CFI: variants seen among roughly 807,000 people sequenced by gnomAD.
The protein encoded by CFI is C3B/C4B inactivator.
A neutral mutation model predicts 78.8 loss-of-function variants in CFI; 66 were observed. The observed-to-expected ratio is 0.84, with a 90% confidence interval of 0.69 to 1.03. CFI has a LOEUF of 1.03. CFI is among the 50% of genes least tolerant of loss of function. CFI has a pLI of 0.00. For synonymous variants in CFI, 250 were observed against 232.6 expected (o/e 1.07, Z -0.68); for missense variants, 706 against 704.5 (o/e 1.00, Z -0.02).
chr4:109,731,234 T>C, the CFI span, among the ~76,000 whole-genome samples: 8,414 of 152,018 alleles, frequency 0.055, 817 homozygotes, highest in African/African-American at 0.19. Context: ...TAATCCCAGC[T>C]ACTCGGGAGG....
chr4:109,741,239 C>T (rs1439692458), intron 12 of CFI, 129 bp from the exon 13 acceptor site: 17 of 1,521,216 alleles, frequency 1.1e-5, no homozygotes, highest in Non-Finnish European at 1.5e-5. Context: ...ATGGGCTCTC[C>T]TTAGAGTCCC....
chr4:109,767,420 C>CA (rs1727916610), intron 1 of CFI, among the ~76,000 whole-genome samples: 1 of 150,890 alleles, frequency 6.6e-6, no homozygotes, highest in Non-Finnish European at 1.5e-5. Context: ...ACAATGAACT[C>CA]AAACAAATTT....
Position 109,769,137 on chromosome 4 carries a change from A to T in CFI, c.58-2313T>A, listed in dbSNP as rs567874116. ...ATTGAAACAATGATGCTCTCATTGG[A>T]TGAGAAATCCAAGCAACTTGATTTT... On this transcript the variant is annotated intron_variant, in intron 1 of 12. Transcript: ENST00000394634. Among the ~76,000 whole-genome samples, 303 of 152,308 alleles carry T rather than the reference A, an allele frequency of 2.0e-3. 1 individual carries two copies. The highest frequency in any genetic ancestry group is 3.5e-3 in the Non-Finnish European group (235 of 68,032).
chr4:109,774,731 GT>G (rs1388487038), intron 1 of CFI, among the ~76,000 whole-genome samples: 1 of 152,210 alleles, frequency 6.6e-6, no homozygotes, highest in African/African-American at 2.4e-5. Context: ...TATGTGGTCA[GT>G]GAAGCAAAAG....
At position 109,742,582 on chromosome 4, in the gene CFI, G is replaced by A. The variant is rs114091883; in HGVS notation, c.1443C>T (p.Val481=). Residue 481 remains valine, a synonymous_variant, in exon 12 of 13, where the codon GTC becomes GTT. Coordinates refer to ENST00000394634, the MANE Select transcript of CFI (RefSeq NM_000204.5). ...GWGREKDNER[V]FSLQWGEVKL... ...TAACTTCACCCCACTGAAGTGAAAAGACTCTTTCGTTATCTAAACAAAGTG... is the reference window on the plus strand; with the variant it reads ...TAACTTCACCCCACTGAAGTGAAAAAACTCTTTCGTTATCTAAACAAAGTG... The A allele has an allele frequency of 3.5e-4, 559 of 1,607,818 alleles. 1 individual carries two copies. In the African/African-American group the frequency reaches 7.0e-3, roughly 20 times the overall value.
chr4:109,797,750 A>C (rs1732244312), intron 1 of CFI, among the ~76,000 whole-genome samples: 1 of 152,236 alleles, frequency 6.6e-6, no homozygotes, highest in South Asian at 2.1e-4. Context: ...AAAAGTGGAC[A>C]AAGGAGCTGA....
At chr4:109,749,409 C>A in intron 9 of CFI, 88 bp from the exon 10 acceptor site, 1 of 1,484,254 alleles carries the variant, frequency 6.7e-7, no homozygotes, top group South Asian at 1.1e-5. Context: ...GACTCCCAGT[C>A]TCTTATAATT....
At chr4:109,742,308 T>C (rs1723896773) in intron 12 of CFI, 183 bp downstream of exon 12, 2 of 604,588 alleles carry the variant, frequency 3.3e-6, no homozygotes, top group South Asian at 1.9e-5. Flanking sequence ...TTTTTCCTCA[T>C]AGTATTAGAG....
At chr4:109,766,418 A>G (rs1475614788) in intron 2 of CFI, 136 bp downstream of exon 2, 2 of 933,880 alleles carry the variant, frequency 2.1e-6, no homozygotes, top group South Asian at 1.4e-5. Context: ...GATTACTCCA[A>G]TTATTATTGA....
At chr4:109,738,313 T>G (rs1050520644), downstream of CFI, among the ~76,000 whole-genome samples, 4 of 152,052 alleles carry the variant, frequency 2.6e-5, no homozygotes, top group Admixed American at 6.6e-5. Flanking sequence ...GGTCTTGCTA[T>G]GTTGCCCAGG....
intron 6 of CFI, among the ~76,000 whole-genome samples, chr4:109,759,280 G>GA (rs1395596905): frequency 6.6e-6 from 1 of 151,248 alleles, no homozygotes; most frequent in Non-Finnish European, 1.5e-5. Context: ...ATAATAGTAT[G>GA]AAAAAAATTG....
At position 109,754,145 on chromosome 4, in the gene CFI, G is replaced by A. The variant is rs1030421630; in HGVS notation, c.905-1642C>T. Among the ~76,000 whole-genome samples the A allele has an allele frequency of 3.3e-5, 5 of 151,170 alleles. No homozygotes were observed. The South Asian group carries it at 6.2e-4, about 19-fold the overall frequency. ...ATTACAGGTGTGCGTCACCATGCCC[G>A]GCTAATTTTTGTATTTTTAGTAGAA... On this transcript the variant is annotated intron_variant, in intron 7 of 12. Coordinates refer to ENST00000394634, the MANE Select transcript of CFI (RefSeq NM_000204.5).
At chr4:109,788,036 T>A (rs1003391137) in intron 1 of CFI, among the ~76,000 whole-genome samples, 2 of 152,064 alleles carry the variant, frequency 1.3e-5, no homozygotes, top group African/African-American at 4.8e-5. Context: ...CCAGAGATCA[T>A]GAATGTATAC....
chr4:109,746,312 G>A lies in CFI; in HGVS notation c.1339C>T (p.Pro447Ser), dbSNP rs1166122579. 1.9e-6 allele frequency: 3 copies of A among 1,614,166 alleles called. No homozygotes were observed. Among genetic ancestry groups the A allele is most frequent in the East Asian group, 4.5e-5 (2 of 44,888 alleles). The stretch of plus-strand genomic sequence containing the variant: ...GGGACACAGGCAGGGATGGAACGAG[G>A]CAGCTCACAATCTTTTTTGTTTCCG... ...KDGNKKDCEL[P>S]RSIPACVPWS... The change falls in exon 11 of 13, where the codon CCT becomes TCT. Residue 447 changes from proline to serine, a missense_variant. Transcript: ENST00000394634.
chr4:109,783,893 A>T (rs1225679877), intron 1 of CFI, among the ~76,000 whole-genome samples: 1 of 149,244 alleles, frequency 6.7e-6, no homozygotes, highest in Non-Finnish European at 1.5e-5. Context: ...AGTGACCTGG[A>T]TGAGATTGGA....
At chr4:109,779,195 C>T (rs1352058780) in intron 1 of CFI, among the ~76,000 whole-genome samples, 1 of 152,118 alleles carries the variant, frequency 6.6e-6, no homozygotes, top group Admixed American at 6.6e-5. Context: ...GTCAAATTGT[C>T]CCTGTTTGCA....
At chr4:109,762,610 G>A (rs1431958038) in intron 3 of CFI, 2 of 152,078 alleles carry the variant, frequency 1.3e-5, no homozygotes, top group Non-Finnish European at 2.9e-5. Flanking sequence ...AAATAGAACA[G>A]TAATGACAAT....
At chr4:109,752,365 C>A in intron 8 of CFI, 103 bp downstream of exon 8, 1 of 1,018,682 alleles carries the variant, frequency 9.8e-7, no homozygotes, top group Non-Finnish European at 1.5e-6. Context: ...TAAATTGATA[C>A]CAAAACTACT....
At position 109,764,802 on chromosome 4, in the gene CFI, A is replaced by G; in HGVS notation, c.329-112T>C. On this transcript the variant is annotated intron_variant, in intron 2 of 12. Coordinates refer to ENST00000394634, the MANE Select transcript of CFI (RefSeq NM_000204.5). ...TAATGTCAAGTGAGCTTTGAACATC[A>G]TGACGATTTTAACAAGTAATAGTAA... 3 of 999,246 alleles carry G rather than the reference A, an allele frequency of 3.0e-6. No homozygotes were observed. In the South Asian group the frequency reaches 4.4e-5, roughly 15 times the overall value. 61.9% of individuals were successfully genotyped at this position (999,246 alleles called of 1,614,324 possible). A position where few individuals can be genotyped will look rare whatever the true frequency, so the allele number is the denominator to read the frequency against.
Sources: allele counts gnomAD v4.1 joint callset (sites outside exome capture counted in the v4.1 genomes callset), GRCh38; gene constraint gnomAD v4.1.1; transcripts MANE v1.5; gene names NCBI Gene and HGNC (gene_info 2026-07-23, HGNC 2026-07-21).